The following THSD7B variants were observed in gnomAD, a reference collection of about 807,000 sequenced individuals.
THSD7B encodes the protein thrombospondin type-1 domain-containing protein 7B.
THSD7B carries 138 observed loss-of-function variants against 213.6 expected under a neutral mutation model. The observed-to-expected ratio is 0.65, with a 90% CI of 0.56 to 0.74. The LOEUF (loss-of-function observed/expected upper bound fraction) is 0.74. Among genes scored for constraint, THSD7B ranks in the 30% least tolerant of loss-of-function variants. THSD7B has a pLI of 0.00. For synonymous variants in THSD7B, 742 were observed against 687.0 expected (o/e 1.08, Z -1.25); for missense variants, 1,931 against 1,991.5 (o/e 0.97, Z 0.58).
intron 27 of THSD7B, 55 bp from the exon 28 acceptor site, chr2:137,676,469 A>T: frequency 6.8e-7 from 1 of 1,467,738 alleles, no homozygotes; most frequent in Non-Finnish European, 9.1e-7. Context: ...TCTTTGGCAG[A>T]TGAAACAGAG....
chr2:137,466,373 A>G (rs535308610), intron 15 of THSD7B, among the ~76,000 whole-genome samples: 5 of 152,294 alleles, frequency 3.3e-5, no homozygotes, highest in African/African-American at 1.2e-4. Context: ...TGAAGTATTG[A>G]TAATAATGCT....
chr2:136,848,992 G>T (rs757378680), intron 1 of THSD7B, among the ~76,000 whole-genome samples: 12 of 152,192 alleles, frequency 7.9e-5, no homozygotes, highest in Non-Finnish European at 1.3e-4. Context: ...TAATAACCCT[G>T]CAAGTTAAAT....
At chr2:137,285,790 A>G (rs999517525) in intron 12 of THSD7B, among the ~76,000 whole-genome samples, 21 of 152,012 alleles carry the variant, frequency 1.4e-4, no homozygotes, top group African/African-American at 4.8e-4. Flanking sequence ...AAGGCTTGTA[A>G]TATGTGATCG....
At chr2:137,636,247 C>T (rs1384942597) in intron 20 of THSD7B, among the ~76,000 whole-genome samples, 1 of 151,842 alleles carries the variant, frequency 6.6e-6, no homozygotes, top group Non-Finnish European at 1.5e-5. Flanking sequence ...ATTTGTTGGT[C>T]TATCTTTAGC....
At chr2:136,792,315 C>G (rs563534079) in intron 1 of THSD7B, among the ~76,000 whole-genome samples, 1 of 151,916 alleles carries the variant, frequency 6.6e-6, no homozygotes, top group East Asian at 1.9e-4. Flanking sequence ...AAAGGCACAA[C>G]TATGGAAACA....
intron 12 of THSD7B, among the ~76,000 whole-genome samples, chr2:137,283,631 G>C (rs1349902606): frequency 6.6e-6 from 1 of 151,584 alleles, no homozygotes; most frequent in Non-Finnish European, 1.5e-5. Flanking sequence ...TTTGTCAAAG[G>C]CCTTTTCTGC....
At chr2:137,029,514 A>G (rs1686623972) in intron 2 of THSD7B, among the ~76,000 whole-genome samples, 1 of 152,204 alleles carries the variant, frequency 6.6e-6, no homozygotes, top group African/African-American at 2.4e-5. Context: ...TAAAACATTC[A>G]AAGATATACA....
chr2:136,970,699 C>G (rs1685390859), intron 2 of THSD7B, among the ~76,000 whole-genome samples: 2 of 152,038 alleles, frequency 1.3e-5, no homozygotes, highest in South Asian at 4.2e-4. Flanking sequence ...CTGCCAAGGT[C>G]CAGTTTAGTA....
At chr2:137,098,774 A>G (rs1408072885) in intron 4 of THSD7B, among the ~76,000 whole-genome samples, 1 of 152,152 alleles carries the variant, frequency 6.6e-6, no homozygotes, top group African/African-American at 2.4e-5. Context: ...ACTAAACACT[A>G]TGAGTGACTG....
chr2:137,182,686 A>T (rs1680477748), intron 7 of THSD7B, among the ~76,000 whole-genome samples: 2 of 152,258 alleles, frequency 1.3e-5, no homozygotes, highest in African/African-American at 4.8e-5. Context: ...TGCACCCTGA[A>T]AATTATACTG....
chr2:137,056,648 A>G lies in THSD7B; in HGVS notation c.368A>G (p.Glu123Gly). ...HCVLVPYARG[E>G]VKPRTAECVT... Reference sequence around the variant, plus strand: ...GTGCTTGTTCCTTACGCTCGCGGTGAAGTCAAGCCTCGGACTGCAGAGTGT... The same window carrying G: ...GTGCTTGTTCCTTACGCTCGCGGTGGAGTCAAGCCTCGGACTGCAGAGTGT... The change falls in exon 3 of 28, where the codon GAA becomes GGA. Residue 123 changes from glutamate to glycine, a missense_variant. By Grantham distance (98) the Glu-to-Gly change is moderately conservative. Coordinates refer to ENST00000409968, the MANE Select transcript of THSD7B (RefSeq NM_001316349.2). 1 of 1,613,954 alleles carries G rather than the reference A, an allele frequency of 6.2e-7. No homozygotes were observed. Among genetic ancestry groups the G allele is most frequent in the East Asian group, 2.2e-5 (1 of 44,864 alleles).
In THSD7B at chr2:137,251,269, T is replaced by G. The variant is rs148600620; in HGVS notation, c.2266+8697T>G. Among the ~76,000 whole-genome samples the G allele has an allele frequency of 2.8e-4, 42 of 152,314 alleles. No individual in the cohort carries two copies. The East Asian group carries it at 7.3e-3, about 27-fold the overall frequency. The stretch of plus-strand genomic sequence containing the variant: ...GTGACGACGTTGGCCACAGAGTGTG[T>G]GAGACTTAGAGCATCAGATTTGTCT... On this transcript the variant is annotated intron_variant, in intron 10 of 27. Coordinates refer to ENST00000409968, the MANE Select transcript of THSD7B (RefSeq NM_001316349.2).
intron 15 of THSD7B, among the ~76,000 whole-genome samples, chr2:137,548,984 G>C (rs1249627014): frequency 6.6e-6 from 1 of 151,976 alleles, no homozygotes; most frequent in Non-Finnish European, 1.5e-5. Context: ...GGAATAGCAT[G>C]AAGTTCTTAA....
intron 10 of THSD7B, among the ~76,000 whole-genome samples, chr2:137,256,126 C>T (rs1283528469): frequency 1.3e-5 from 2 of 152,060 alleles, no homozygotes; most frequent in Non-Finnish European, 2.9e-5. Context: ...TTGTTCTCTG[C>T]TGAAACATGT....
At chr2:137,082,702 A>G (rs1687767762) in intron 3 of THSD7B, among the ~76,000 whole-genome samples, 1 of 152,018 alleles carries the variant, frequency 6.6e-6, no homozygotes, top group Admixed American at 6.6e-5. Flanking sequence ...ATGATTGCTG[A>G]TATTGCTTAT....
intron 10 of THSD7B, among the ~76,000 whole-genome samples, chr2:137,262,524 C>A (rs1345267151): frequency 6.6e-6 from 1 of 151,950 alleles, no homozygotes; most frequent in Non-Finnish European, 1.5e-5. Flanking sequence ...AAGACAAGTG[C>A]AACTTATCAT....
intron 7 of THSD7B, among the ~76,000 whole-genome samples, chr2:137,205,859 C>G (rs1224629257): frequency 1.3e-5 from 2 of 151,860 alleles, no homozygotes; most frequent in Non-Finnish European, 2.9e-5. Flanking sequence ...ACCCTACTTG[C>G]TCTTCTAATA....
chr2:137,015,470 T>C (rs1052810457), intron 2 of THSD7B, among the ~76,000 whole-genome samples: 3 of 152,112 alleles, frequency 2.0e-5, no homozygotes, highest in Non-Finnish European at 2.9e-5. Flanking sequence ...TCCCAGCAGC[T>C]TTCTGCTGCT....
chr2:137,464,550 A>G (rs1687954764), intron 15 of THSD7B, among the ~76,000 whole-genome samples: 1 of 152,024 alleles, frequency 6.6e-6, no homozygotes, highest in East Asian at 1.9e-4. Context: ...ATTCATAAGG[A>G]AATTTCTGAG....
Sources: gnomAD v4.1 joint callset for allele counts (sites outside exome capture counted in the v4.1 genomes callset) on GRCh38, gnomAD v4.1.1 for gene constraint, MANE v1.5 for transcripts, NCBI Gene and HGNC (gene_info 2026-07-23, HGNC 2026-07-21) for gene names.